The following NAALADL2 variants were observed in gnomAD, a reference collection of about 807,000 sequenced individuals.
NAALADL2 encodes inactive N-acetylated-alpha-linked acidic dipeptidase-like protein 2.
In NAALADL2, 76 loss-of-function variants were observed where a neutral mutation model predicts 87.2. The ratio of observed to expected loss-of-function variants is 0.87; its 90% CI spans 0.72 to 1.05. The LOEUF (loss-of-function observed/expected upper bound fraction) is 1.05. NAALADL2 is among the 50% of genes least tolerant of loss of function. The probability of loss-of-function intolerance (pLI) is 0.00; values close to 1 mark genes in which losing one functional copy is unlikely to be tolerated. For missense variants in NAALADL2, 1,089 were observed against 945.8 expected (o/e 1.15, Z -1.99); for synonymous variants, 354 against 331.0 (o/e 1.07, Z -0.75).
At chr3:174,658,875 A>C (rs534852713) in intron 2 of NAALADL2, among the ~76,000 whole-genome samples, 4 of 152,308 alleles carry the variant, frequency 2.6e-5, no homozygotes, top group African/African-American at 9.6e-5. Flanking sequence ...GTTAAGAATA[A>C]CAAATATGTA....
chr3:174,723,502 T>G (rs1213479360), intron 2 of NAALADL2, among the ~76,000 whole-genome samples: 2 of 152,042 alleles, frequency 1.3e-5, no homozygotes, highest in Non-Finnish European at 2.9e-5. Flanking sequence ...ACACCTGCAA[T>G]CCCAGCACTT....
intron 2 of NAALADL2, among the ~76,000 whole-genome samples, chr3:175,190,871 G>A (rs1287357769): frequency 2.0e-5 from 3 of 151,568 alleles, no homozygotes; most frequent in East Asian, 3.9e-4. Context: ...CCAGCTACTC[G>A]GGAGGCTGAG....
At chr3:175,573,447 C>A (rs1307064274) in intron 9 of NAALADL2, among the ~76,000 whole-genome samples, 3 of 152,188 alleles carry the variant, frequency 2.0e-5, no homozygotes, top group Non-Finnish European at 4.4e-5. Flanking sequence ...AATTCAAATA[C>A]CTCTGGCCCT....
chr3:175,482,573 C>T (rs937286760), intron 9 of NAALADL2, among the ~76,000 whole-genome samples: 2 of 151,850 alleles, frequency 1.3e-5, no homozygotes, highest in African/African-American at 4.8e-5. Flanking sequence ...CTCAAAAGAT[C>T]TTCTCATCAT....
intron 1 of NAALADL2, among the ~76,000 whole-genome samples, chr3:175,021,296 T>C (rs1751524516): frequency 6.6e-6 from 1 of 152,086 alleles, no homozygotes; most frequent in Non-Finnish European, 1.5e-5. Flanking sequence ...CCTTTTCTGT[T>C]AGACACTGTG....
intron 3 of NAALADL2, among the ~76,000 whole-genome samples, chr3:174,759,132 A>T (rs535644258): frequency 6.6e-6 from 1 of 152,298 alleles, no homozygotes; most frequent in South Asian, 2.1e-4. Context: ...TTTTGCATTT[A>T]TGCTACCAAA....
chr3:175,062,754 T>C (rs1713775440), intron 1 of NAALADL2, among the ~76,000 whole-genome samples: 1 of 152,160 alleles, frequency 6.6e-6, no homozygotes, highest in Non-Finnish European at 1.5e-5. Flanking sequence ...TGTTTTAATC[T>C]GTTTCGGTTT....
At chr3:175,704,096 G>T (rs1304177830) in intron 11 of NAALADL2, among the ~76,000 whole-genome samples, 1 of 152,082 alleles carries the variant, frequency 6.6e-6, no homozygotes, top group Admixed American at 6.6e-5. Context: ...TTTTCCAAAT[G>T]TCTTCTCCCT....
intron 1 of NAALADL2, among the ~76,000 whole-genome samples, chr3:175,036,183 G>T (rs1314162420): frequency 6.6e-6 from 1 of 151,992 alleles, no homozygotes; most frequent in Non-Finnish European, 1.5e-5. Flanking sequence ...TTGCTTGTAT[G>T]ATTATTAACT....
At chr3:175,731,145 C>G (rs868298643) in intron 11 of NAALADL2, among the ~76,000 whole-genome samples, 1 of 152,088 alleles carries the variant, frequency 6.6e-6, no homozygotes, top group East Asian at 1.9e-4. Context: ...ACTTAAACCT[C>G]GTGTTATAGC....
At position 174,548,996 on chromosome 3, in the gene NAALADL2, A is replaced by G. The variant is rs1308283183; in HGVS notation, c.-183-1573A>G. Reference sequence around the variant, plus strand: ...GCTGGGATTACAGTCATGCAGCACCATGCCCGGCTAATTTGTGTATTTTTT... The same window carrying G: ...GCTGGGATTACAGTCATGCAGCACCGTGCCCGGCTAATTTGTGTATTTTTT... On this transcript the variant is annotated intron_variant, in intron 1 of 3. Transcript: ENST00000434257. Among the ~76,000 whole-genome samples the G allele has an allele frequency of 4.6e-5, 7 of 152,268 alleles. No homozygotes were observed. In the South Asian group the frequency reaches 1.2e-3, roughly 27 times the overall value.
intron 1 of NAALADL2, among the ~76,000 whole-genome samples, chr3:175,084,711 A>G (rs1718538773): frequency 6.6e-6 from 1 of 152,210 alleles, no homozygotes; most frequent in Admixed American, 6.5e-5. Context: ...TTAGTCAAAC[A>G]TTTCTGTGGT....
At chr3:174,845,414 G>A (rs1724509055) in intron 3 of NAALADL2, among the ~76,000 whole-genome samples, 1 of 152,196 alleles carries the variant, frequency 6.6e-6, no homozygotes. Flanking sequence ...TGAGAGTTAG[G>A]CAGCTGAGGA....
At chr3:175,173,658 GAA>G (rs2108931295) in intron 2 of NAALADL2, among the ~76,000 whole-genome samples, 1 of 152,334 alleles carries the variant, frequency 6.6e-6, no homozygotes, top group East Asian at 1.9e-4. Flanking sequence ...AGTTGAAAAA[GAA>G]AGTTAGTAAT....
At chr3:174,953,727 G>A (rs963862161) in intron 1 of NAALADL2, among the ~76,000 whole-genome samples, 8 of 151,952 alleles carry the variant, frequency 5.3e-5, no homozygotes, top group Admixed American at 2.6e-4. Flanking sequence ...GCCACACTCT[G>A]TTGCAAGCTT....
intron 1 of NAALADL2, among the ~76,000 whole-genome samples, chr3:175,057,789 A>G (rs755271635): frequency 4.6e-5 from 7 of 152,186 alleles, no homozygotes; most frequent in Non-Finnish European, 7.4e-5. Context: ...AATGACTTCA[A>G]TGTAAACGGG....
chr3:175,278,551 G>C (rs1753886078), intron 4 of NAALADL2, among the ~76,000 whole-genome samples: 1 of 152,060 alleles, frequency 6.6e-6, no homozygotes, highest in South Asian at 2.1e-4. Flanking sequence ...TCAACTTTTT[G>C]GATGATTTGC....
At chr3:174,956,243 A>T (rs1223439553) in intron 1 of NAALADL2, among the ~76,000 whole-genome samples, 1 of 152,072 alleles carries the variant, frequency 6.6e-6, no homozygotes, top group Non-Finnish European at 1.5e-5. Flanking sequence ...CCACGATTAG[A>T]AGTAATTTTG....
chr3:175,592,929 T>G (rs896821980), intron 10 of NAALADL2, among the ~76,000 whole-genome samples: 1 of 152,122 alleles, frequency 6.6e-6, no homozygotes, highest in African/African-American at 2.4e-5. Context: ...CTGTTTTGAT[T>G]ATGTCCCCTC....
Sources: allele counts gnomAD v4.1 joint callset (sites outside exome capture counted in the v4.1 genomes callset), GRCh38; gene constraint gnomAD v4.1.1; transcripts MANE v1.5; gene names NCBI Gene and HGNC (gene_info 2026-07-23, HGNC 2026-07-21).